The following ATF7IP2 variants were observed in gnomAD, a reference collection of about 807,000 sequenced individuals.
The protein encoded by ATF7IP2 is activating transcription factor 7 interacting protein 2, also known as activating transcription factor 7-interacting protein 2.
A neutral mutation model predicts 64.2 loss-of-function variants in ATF7IP2; 42 were observed. The observed-to-expected ratio is 0.65, with a 90% CI of 0.51 to 0.85. ATF7IP2 has a LOEUF of 0.85. ATF7IP2 is among the 40% of genes least tolerant of loss of function. The pLI is 0.00. For synonymous variants in ATF7IP2, 308 were observed against 272.8 expected (o/e 1.13, Z -1.27); for missense variants, 933 against 784.2 (o/e 1.19, Z -2.27).
chr16:10,470,871 G>A (rs188630488), intron 9 of ATF7IP2, among the ~76,000 whole-genome samples: 1,945 of 151,174 alleles, frequency 0.013, 47 homozygotes, highest in African/African-American at 0.045. Context: ...GTGTGTGTGT[G>A]TGAATATATA....
chr16:10,421,722 C>G (rs1204326071), intron 3 of ATF7IP2, among the ~76,000 whole-genome samples: 2 of 152,176 alleles, frequency 1.3e-5, no homozygotes, highest in Non-Finnish European at 2.9e-5. Context: ...GTATATCATC[C>G]ATATGATGAA....
intron 12 of ATF7IP2, among the ~76,000 whole-genome samples, chr16:10,477,743 G>C (rs2050065057): frequency 6.6e-6 from 1 of 152,132 alleles, no homozygotes; most frequent in Non-Finnish European, 1.5e-5. Context: ...TGTATATCTA[G>C]AAAACCCCAT....
In ATF7IP2 at chr16:10,482,308, C is replaced by G. The variant is rs1053184832; in HGVS notation, c.*59C>G. The G allele has an allele frequency of 2.3e-6, 3 of 1,301,672 alleles. No homozygotes were observed. Among genetic ancestry groups the G allele is most frequent in the Non-Finnish European group, 3.2e-6 (3 of 941,296 alleles). The allele number at this position is 1,301,672 out of a possible 1,614,324, so 80.6% of individuals were successfully genotyped here. A position where few individuals can be genotyped will look rare whatever the true frequency, so the allele number is the denominator to read the frequency against. On this transcript the variant is annotated 3_prime_UTR_variant, in exon 14 of 14. Transcript: ENST00000562102. The stretch of plus-strand genomic sequence containing the variant: ...TCATATTTGTTTGTTTGCAATGTTA[C>G]TGTAATACTATTTGCCATTGTAAAA...
rs140459444 is a variant in ATF7IP2 at position 10,414,627 on chromosome 16, TTGTGTGTGTGTGTGTGTGTGTG to T, written c.-203+29_-203+50del. ...ATCCACTGCTGGTGAGCTAGTGTGA[TTGTGTGTGTGTGTGTGTGTGTG>T]TGTGTGTGTGTGTTTGGGCGGGGGG... On this transcript the variant is annotated intron_variant, in intron 2 of 13. Coordinates refer to ENST00000562102, the MANE Select transcript of ATF7IP2 (RefSeq NM_001393719.1). 19 of 94,782 alleles carry T rather than the reference TTGTGTGTGTGTGTGTGTGTGTG, an allele frequency of 2.0e-4. 1 individual carries two copies. Among genetic ancestry groups the T allele is most frequent in the Admixed American group, 1.2e-4 (1 of 8,634 alleles). 5.9% of individuals were successfully genotyped at this position (94,782 alleles called of 1,614,324 possible).
chr16:10,464,323 G>C (rs532806517), intron 9 of ATF7IP2, among the ~76,000 whole-genome samples: 2 of 152,210 alleles, frequency 1.3e-5, no homozygotes, highest in South Asian at 4.2e-4. Flanking sequence ...GTTCCCTGTT[G>C]TTATCCTGGC....
chr16:10,416,843 T>C (rs1383629790), intron 2 of ATF7IP2, among the ~76,000 whole-genome samples: 1 of 152,228 alleles, frequency 6.6e-6, no homozygotes, highest in Admixed American at 6.5e-5. Context: ...ACCTAGTATT[T>C]AATTGCACAA....
intron 5 of ATF7IP2, among the ~76,000 whole-genome samples, 176 bp from the exon 6 acceptor site, chr16:10,433,349 A>T (rs930822276): frequency 6.6e-6 from 1 of 151,822 alleles, no homozygotes; most frequent in African/African-American, 2.4e-5. Flanking sequence ...CTAATTTTAA[A>T]TTTTTTGTGG....
intron 9 of ATF7IP2, among the ~76,000 whole-genome samples, chr16:10,469,667 C>T (rs1365286610): frequency 1.3e-5 from 2 of 151,964 alleles, no homozygotes; most frequent in African/African-American, 4.8e-5. Context: ...CCCAGCTACT[C>T]GGGAGGCTGA....
intron 8 of ATF7IP2, among the ~76,000 whole-genome samples, chr16:10,440,723 G>A (rs1165173571): frequency 1.3e-5 from 2 of 152,146 alleles, no homozygotes; most frequent in Non-Finnish European, 2.9e-5. Flanking sequence ...ATCATGAAAA[G>A]TATCAAATAT....
chr16:10,413,842 G>C (rs1596462593), intron 1 of ATF7IP2, among the ~76,000 whole-genome samples: 1 of 152,290 alleles, frequency 6.6e-6, no homozygotes, highest in Middle Eastern at 3.4e-3. Context: ...GTTTTGTTAA[G>C]CAGGCTGAAG....
At chr16:10,470,431 C>T (rs1321102307) in intron 9 of ATF7IP2, among the ~76,000 whole-genome samples, 1 of 152,020 alleles carries the variant, frequency 6.6e-6, no homozygotes, top group African/African-American at 2.4e-5. Context: ...GATGTTACTT[C>T]ACCCCAAATT....
intron 6 of ATF7IP2, among the ~76,000 whole-genome samples, chr16:10,434,970 A>G (rs934641235): frequency 1.3e-5 from 2 of 152,108 alleles, no homozygotes; most frequent in Non-Finnish European, 2.9e-5. Flanking sequence ...AGATTTTACC[A>G]TGTTGGCCAG....
chr16:10,470,470 T>TGTA (rs2049751259), intron 9 of ATF7IP2, among the ~76,000 whole-genome samples: 1 of 152,178 alleles, frequency 6.6e-6, no homozygotes, highest in African/African-American at 2.4e-5. Context: ...CAGCCGTTTT[T>TGTA]GTAGTAAGTA....
At chr16:10,472,874 A>T (rs936188641) in intron 10 of ATF7IP2, among the ~76,000 whole-genome samples, 1 of 151,514 alleles carries the variant, frequency 6.6e-6, no homozygotes, top group East Asian at 1.9e-4. Context: ...AAAAAAAAAA[A>T]TTTTAACCTT....
intron 1 of ATF7IP2, among the ~76,000 whole-genome samples, chr16:10,391,424 TAAAA>T (rs762786860): frequency 2.0e-5 from 3 of 151,752 alleles, no homozygotes; most frequent in Non-Finnish European, 4.4e-5. Flanking sequence ...CTGTGTCAAA[TAAAA>T]AAAGAAAAGG....
intron 1 of ATF7IP2, among the ~76,000 whole-genome samples, chr16:10,410,338 TTTTGTTTTGTTTTG>T (rs148786313): frequency 2.9e-5 from 4 of 138,482 alleles, no homozygotes; most frequent in East Asian, 2.2e-4. Flanking sequence ...TTTTGTTTTG[TTTTGTTTTGTTTTG>T]TTTTGTTTTT....
intron 9 of ATF7IP2, among the ~76,000 whole-genome samples, chr16:10,463,660 G>C (rs1295464015): frequency 6.6e-6 from 1 of 152,082 alleles, no homozygotes; most frequent in Non-Finnish European, 1.5e-5. Context: ...GAGAAAACGT[G>C]AGGTAGAACT....
At chr16:10,447,500 A>G (rs1393758268) in intron 8 of ATF7IP2, 1 of 152,188 alleles carries the variant, frequency 6.6e-6, no homozygotes, top group Non-Finnish European at 1.5e-5. Flanking sequence ...TCGGCAAGGT[A>G]AATTTACTTC....
At chr16:10,463,972 A>ATTTCAGTCAGTT (rs920586817) in intron 9 of ATF7IP2, among the ~76,000 whole-genome samples, 5 of 151,766 alleles carry the variant, frequency 3.3e-5, no homozygotes, top group Non-Finnish European at 7.4e-5. Flanking sequence ...GCCCTCTGTG[A>ATTTCAGTCAGTT]TTTCAGTCAG....
Sources: gnomAD v4.1 joint callset for allele counts (sites outside exome capture counted in the v4.1 genomes callset) on GRCh38, gnomAD v4.1.1 for gene constraint, MANE v1.5 for transcripts, NCBI Gene and HGNC (gene_info 2026-07-23, HGNC 2026-07-21) for gene names.